Variants in INPP4B observed in about 807,000 individuals in gnomAD.
INPP4B encodes inositol polyphosphate 4-phosphatase type II.
Under a neutral mutation model 122.5 loss-of-function variants are expected in INPP4B, and 55 were observed. The ratio of observed to expected loss-of-function variants is 0.45; its 90% CI spans 0.36 to 0.56. The LOEUF (loss-of-function observed/expected upper bound fraction) is 0.56. Among genes scored for constraint, INPP4B ranks in the 20% least tolerant of loss-of-function variants. The probability of loss-of-function intolerance (pLI) is 0.00; values close to 1 mark genes in which losing one functional copy is unlikely to be tolerated. For missense variants in INPP4B, 1,000 were observed against 1,097.7 expected (o/e 0.91, Z 1.26); for synonymous variants, 403 against 388.7 (o/e 1.04, Z -0.43).
intron 2 of INPP4B, among the ~76,000 whole-genome samples, chr4:142,670,799 C>G (rs1016288450): frequency 6.6e-6 from 1 of 152,032 alleles, no homozygotes; most frequent in Non-Finnish European, 1.5e-5. Flanking sequence ...TAGATGTAAA[C>G]TGTTCTCACC....
intron 3 of INPP4B, among the ~76,000 whole-genome samples, chr4:142,451,729 A>G (rs1204978710): frequency 6.6e-6 from 1 of 152,172 alleles, no homozygotes; most frequent in Non-Finnish European, 1.5e-5. Context: ...TGATCATTGG[A>G]ACTGGCAAAA....
At chr4:142,294,151 T>A (rs1387393392) in intron 9 of INPP4B, among the ~76,000 whole-genome samples, 1 of 152,298 alleles carries the variant, frequency 6.6e-6, no homozygotes, top group East Asian at 1.9e-4. Context: ...TTATGCAATA[T>A]ATCATGTATC....
chr4:142,335,108 G>GAAAAAAAAAAAA (rs36074851), intron 7 of INPP4B, among the ~76,000 whole-genome samples: 41 of 65,142 alleles, frequency 6.3e-4, no homozygotes, highest in African/African-American at 2.6e-3. Context: ...TGGGAAAAAT[G>GAAAAAAAAAAAA]AAAAAAAAAA....
At chr4:142,510,384 A>C (rs1429330190) in intron 2 of INPP4B, among the ~76,000 whole-genome samples, 2 of 152,218 alleles carry the variant, frequency 1.3e-5, no homozygotes, top group Non-Finnish European at 2.9e-5. Context: ...TTAGCAGGTT[A>C]CCTGATTTCA....
intron 2 of INPP4B, among the ~76,000 whole-genome samples, chr4:142,508,129 C>T (rs866457198): frequency 6.6e-6 from 1 of 152,106 alleles, no homozygotes; most frequent in Admixed American, 6.5e-5. Flanking sequence ...ATCTTTTTGG[C>T]ATGGAAGCAT....
At chr4:142,446,165 T>C (rs1302752993) in intron 3 of INPP4B, among the ~76,000 whole-genome samples, 1 of 151,854 alleles carries the variant, frequency 6.6e-6, no homozygotes, top group Non-Finnish European at 1.5e-5. Context: ...ACATAGCTGA[T>C]GAAGATTTAT....
chr4:142,591,069 C>T (rs1737382846), intron 2 of INPP4B, among the ~76,000 whole-genome samples: 1 of 152,090 alleles, frequency 6.6e-6, no homozygotes, highest in South Asian at 2.1e-4. Context: ...AATCCCAGCA[C>T]TTTGAGAGGC....
chr4:142,632,845 T>G (rs543214309), intron 2 of INPP4B, among the ~76,000 whole-genome samples: 3 of 151,628 alleles, frequency 2.0e-5, no homozygotes, highest in South Asian at 2.1e-4. Context: ...AACTTTCAAC[T>G]TGATAAAAAA....
chr4:142,486,942 G>A (rs189707143), intron 2 of INPP4B, among the ~76,000 whole-genome samples: 1 of 152,216 alleles, frequency 6.6e-6, no homozygotes. Flanking sequence ...TGACTGATTT[G>A]TCTATACTTA....
chr4:142,534,689 A>G (rs1827992888), intron 2 of INPP4B, among the ~76,000 whole-genome samples: 1 of 150,508 alleles, frequency 6.6e-6, no homozygotes, highest in South Asian at 2.1e-4. Context: ...ATTATAATAA[A>G]TATTTAAATA....
chr4:142,318,297 G>A (rs1768597613), intron 7 of INPP4B, among the ~76,000 whole-genome samples: 1 of 151,928 alleles, frequency 6.6e-6, no homozygotes, highest in East Asian at 1.9e-4. Context: ...GAAGGGAGGA[G>A]GACCATGAGA....
intron 25 of INPP4B, among the ~76,000 whole-genome samples, chr4:142,067,712 A>C (rs920950131): frequency 6.6e-6 from 1 of 152,208 alleles, no homozygotes. Flanking sequence ...AATTTGATCA[A>C]GTGGAAGAAA....
intron 2 of INPP4B, among the ~76,000 whole-genome samples, chr4:142,477,718 T>C (rs1226884046): frequency 6.6e-6 from 1 of 152,104 alleles, no homozygotes; most frequent in Non-Finnish European, 1.5e-5. Context: ...GCTTCCAAGA[T>C]TGAACCAGGA....
intron 9 of INPP4B, among the ~76,000 whole-genome samples, chr4:142,299,286 C>T (rs1035048377): frequency 6.4e-5 from 8 of 125,446 alleles, no homozygotes; most frequent in Admixed American, 1.5e-4. Flanking sequence ...CACAGCCTCT[C>T]GCATAGCTGG....
At chr4:142,522,498 C>A (rs1332088422) in intron 2 of INPP4B, among the ~76,000 whole-genome samples, 1 of 151,928 alleles carries the variant, frequency 6.6e-6, no homozygotes, top group Admixed American at 6.6e-5. Context: ...GTAATCAACA[C>A]CACTCCTGGC....
intron 24 of INPP4B, 117 bp downstream of exon 24, chr4:142,086,027 T>C (rs941953854): frequency 1.6e-5 from 11 of 698,194 alleles, no homozygotes; most frequent in Non-Finnish European, 2.6e-5. Context: ...CATGGACTAA[T>C]AGAAGATGAC....
chr4:142,294,407 G>A (rs1215019404), intron 9 of INPP4B, among the ~76,000 whole-genome samples: 2 of 152,044 alleles, frequency 1.3e-5, no homozygotes, highest in Non-Finnish European at 2.9e-5. Flanking sequence ...GGGGGATGGT[G>A]ACTAGACCTT....
intron 2 of INPP4B, among the ~76,000 whole-genome samples, chr4:142,565,296 AAAAG>A (rs534123190): frequency 6.6e-6 from 1 of 152,302 alleles, no homozygotes; most frequent in African/African-American, 2.4e-5. Flanking sequence ...CAAAGAGTTA[AAAAG>A]AAAGAAAGAA....
chr4:142,292,927 T>C (rs1321520478), intron 9 of INPP4B, among the ~76,000 whole-genome samples: 1 of 152,222 alleles, frequency 6.6e-6, no homozygotes, highest in African/African-American at 2.4e-5. Context: ...TTTGATAATT[T>C]GTTAATTTTA....
Sources: allele counts gnomAD v4.1 joint callset (sites outside exome capture counted in the v4.1 genomes callset), GRCh38; gene constraint gnomAD v4.1.1; transcripts MANE v1.5; gene names NCBI Gene and HGNC (gene_info 2026-07-23, HGNC 2026-07-21).